HSD17B2: variants seen among roughly 807,000 people sequenced by gnomAD.
The protein encoded by HSD17B2 is 17-beta-hydroxysteroid dehydrogenase type 2.
A neutral mutation model predicts 26.9 loss-of-function variants in HSD17B2; 32 were observed. The observed-to-expected ratio is 1.19, with a 90% CI of 0.90 to 1.60. HSD17B2 has a LOEUF of 1.60. Among genes scored for constraint, HSD17B2 ranks in the 40% most tolerant of loss-of-function variants. The pLI is 0.00. For missense variants in HSD17B2, 613 were observed against 468.6 expected, an observed-to-expected ratio of 1.31 and a Z score of -2.85; for synonymous variants, 246 against 186.7, an observed-to-expected ratio of 1.32 and a Z score of -2.59.
intron 1 of HSD17B2, among the ~76,000 whole-genome samples, chr16:82,057,853 G>A (rs557877563): frequency 6.4e-4 from 97 of 152,278 alleles, no homozygotes; most frequent in South Asian, 1.9e-3. Flanking sequence ...TGTCAGGTCT[G>A]AGAACCTGTC....
At chr16:82,087,180 A>C (rs552757986) in intron 3 of HSD17B2, among the ~76,000 whole-genome samples, 25 of 152,332 alleles carry the variant, frequency 1.6e-4, no homozygotes, top group African/African-American at 5.8e-4. Flanking sequence ...TGTCTGAGTA[A>C]TGCAAGAGGA....
At chr16:82,083,717 T>C in intron 3 of HSD17B2, among the ~76,000 whole-genome samples, 1 of 152,126 alleles carries the variant, frequency 6.6e-6, no homozygotes, top group Non-Finnish European at 1.5e-5. Flanking sequence ...CGAATTACCC[T>C]TCATCCTCTG....
At chr16:82,037,987 C>T (rs189166721) in intron 1 of HSD17B2, among the ~76,000 whole-genome samples, 45 of 152,268 alleles carry the variant, frequency 3.0e-4, no homozygotes, top group Admixed American at 9.2e-4. Context: ...AGACTATTTA[C>T]GTGTTATTTT....
chr16:82,079,215 G>T (rs537861920), intron 3 of HSD17B2, among the ~76,000 whole-genome samples: 1 of 152,014 alleles, frequency 6.6e-6, no homozygotes, highest in Non-Finnish European at 1.5e-5. Context: ...TGAAATGATC[G>T]ATTTTCCTCT....
At chr16:82,059,294 C>A (rs1486337573) in intron 1 of HSD17B2, among the ~76,000 whole-genome samples, 2 of 152,212 alleles carry the variant, frequency 1.3e-5, no homozygotes, top group Non-Finnish European at 2.9e-5. Flanking sequence ...TGAGAAGCAT[C>A]CCTGGCCTCA....
chr16:82,061,438 G>A (rs571018209), intron 1 of HSD17B2, among the ~76,000 whole-genome samples: 2 of 152,252 alleles, frequency 1.3e-5, no homozygotes, highest in South Asian at 4.1e-4. Flanking sequence ...GAGGTTAAGT[G>A]ACAGCCAAAG....
chr16:82,061,653 T>A (rs966105669), intron 1 of HSD17B2, among the ~76,000 whole-genome samples: 8 of 152,212 alleles, frequency 5.3e-5, no homozygotes, highest in Admixed American at 1.3e-4. Flanking sequence ...TCAAATTGTA[T>A]GTGTGCTATA....
intron 3 of HSD17B2, among the ~76,000 whole-genome samples, chr16:82,083,371 G>C (rs1386997567): frequency 6.6e-6 from 1 of 152,038 alleles, no homozygotes; most frequent in Non-Finnish European, 1.5e-5. Flanking sequence ...AGGATGCCAG[G>C]CAAGCAGAAT....
chr16:82,070,780 C>T (rs891825307), intron 2 of HSD17B2, 162 bp from the exon 3 acceptor site: 7 of 620,794 alleles, frequency 1.1e-5, no homozygotes, highest in Admixed American at 9.0e-5. Context: ...CCCACTCCCA[C>T]TCCCTTTCCC....
intron 2 of HSD17B2, 50 bp downstream of exon 2, chr16:82,068,432 G>A: frequency 6.7e-7 from 1 of 1,489,156 alleles, no homozygotes; most frequent in Non-Finnish European, 9.2e-7. Flanking sequence ...TGAATGCCCA[G>A]CTCTTGTTCC....
At chr16:82,059,412 C>G (rs974905202) in intron 1 of HSD17B2, among the ~76,000 whole-genome samples, 2 of 152,206 alleles carry the variant, frequency 1.3e-5, no homozygotes, top group Non-Finnish European at 2.9e-5. Context: ...ATTGGTGGCT[C>G]TCAATCCTGG....
intron 2 of HSD17B2, among the ~76,000 whole-genome samples, chr16:82,069,796 G>A (rs570798820): frequency 1.3e-5 from 2 of 152,288 alleles, no homozygotes; most frequent in South Asian, 4.1e-4. Context: ...GGGGCCCCTA[G>A]CTTGATTTCG....
chr16:82,065,600 C>T (rs973852421), intron 1 of HSD17B2, among the ~76,000 whole-genome samples: 1 of 152,160 alleles, frequency 6.6e-6, no homozygotes, highest in Non-Finnish European at 1.5e-5. Context: ...GTGTGTATAA[C>T]CAGGCTCTAG....
intron 3 of HSD17B2, among the ~76,000 whole-genome samples, chr16:82,081,329 T>C (rs1904374298): frequency 6.6e-6 from 1 of 152,172 alleles, no homozygotes; most frequent in Non-Finnish European, 1.5e-5. Flanking sequence ...TCACTCATTC[T>C]CCTCTTCAAC....
At chr16:82,068,475 C>G (rs1914625198) in intron 2 of HSD17B2, 93 bp downstream of exon 2, 2 of 1,047,450 alleles carry the variant, frequency 1.9e-6, no homozygotes, top group Non-Finnish European at 2.8e-6. Context: ...CCACTCCACT[C>G]TGGGCACTGT....
At chr16:82,056,110 C>T (rs1222162285) in intron 1 of HSD17B2, among the ~76,000 whole-genome samples, 1 of 152,090 alleles carries the variant, frequency 6.6e-6, no homozygotes, top group Non-Finnish European at 1.5e-5. Context: ...TTGGAAGCGG[C>T]TGAGTGAGTT....
intron 4 of HSD17B2, chr16:82,091,490 T>G (rs1470290835): frequency 5.1e-6 from 1 of 197,430 alleles, no homozygotes; most frequent in African/African-American, 2.4e-5. Context: ...GCTTCTGCAT[T>G]GCAAGAGCTA....
chr16:82,040,136 A>G (rs1439699250), intron 1 of HSD17B2, among the ~76,000 whole-genome samples: 1 of 152,234 alleles, frequency 6.6e-6, no homozygotes, highest in Non-Finnish European at 1.5e-5. Context: ...CGGATCCAGG[A>G]GGAGAAGTAA....
intron 1 of HSD17B2, chr16:82,056,440 T>C (rs1343342994): frequency 1.3e-5 from 2 of 152,106 alleles, no homozygotes; most frequent in Non-Finnish European, 2.9e-5. Context: ...CAGGAAAACA[T>C]AGGAGAATGA....
Sources: gnomAD v4.1 joint callset for allele counts (sites outside exome capture counted in the v4.1 genomes callset) on GRCh38, gnomAD v4.1.1 for gene constraint, MANE v1.5 for transcripts, NCBI Gene and HGNC (gene_info 2026-07-23, HGNC 2026-07-21) for gene names.